Variants in CADM2 observed in about 807,000 individuals in gnomAD.
CADM2 encodes the protein immunoglobulin superfamily member 4D.
CADM2 carries 12 observed loss-of-function variants against 49.8 expected under a neutral mutation model. The ratio of observed to expected loss-of-function variants is 0.24; its 90% confidence interval spans 0.15 to 0.39. CADM2 has a LOEUF of 0.39. CADM2 is among the 10% of genes least tolerant of loss of function. The pLI is 1.00. For missense variants in CADM2, 378 were observed against 492.3 expected (o/e 0.77, Z 2.20); for synonymous variants, 214 against 175.4 (o/e 1.22, Z -1.74).
At chr3:85,396,396 G>C (rs909964027) in intron 1 of CADM2, among the ~76,000 whole-genome samples, 1 of 151,680 alleles carries the variant, frequency 6.6e-6, no homozygotes, top group Non-Finnish European at 1.5e-5. Context: ...TCATAACTTA[G>C]TTTTATTATT....
At chr3:85,621,366 A>G (rs939580639) in intron 1 of CADM2, among the ~76,000 whole-genome samples, 1 of 152,170 alleles carries the variant, frequency 6.6e-6, no homozygotes, top group Non-Finnish European at 1.5e-5. Flanking sequence ...TGAAAGAAAC[A>G]TTTTTAAGAA....
intron 1 of CADM2, among the ~76,000 whole-genome samples, chr3:85,204,844 AT>A (rs1483374077): frequency 6.6e-6 from 1 of 152,118 alleles, no homozygotes; most frequent in African/African-American, 2.4e-5. Flanking sequence ...AAAGAATGAT[AT>A]AGGGACATTT....
intron 7 of CADM2, among the ~76,000 whole-genome samples, chr3:85,947,366 C>T (rs1166107469): frequency 2.6e-5 from 4 of 151,020 alleles, no homozygotes; most frequent in African/African-American, 9.7e-5. Flanking sequence ...GGATACAGAG[C>T]ATTTAGATTG....
intron 1 of CADM2, among the ~76,000 whole-genome samples, chr3:85,041,405 G>A (rs767484398): frequency 2.6e-5 from 4 of 152,176 alleles, no homozygotes; most frequent in Non-Finnish European, 5.9e-5. Flanking sequence ...GGGGGGCAAA[G>A]GACAGAGAGA....
intron 1 of CADM2, among the ~76,000 whole-genome samples, chr3:85,110,489 A>G (rs563481332): frequency 6.6e-6 from 1 of 151,946 alleles, no homozygotes; most frequent in African/African-American, 2.4e-5. Flanking sequence ...GAAGGGGAAA[A>G]CAAAGAAAAG....
intron 1 of CADM2, among the ~76,000 whole-genome samples, chr3:85,240,922 G>A (rs1386443017): frequency 2.6e-5 from 4 of 151,450 alleles, no homozygotes; most frequent in African/African-American, 9.7e-5. Context: ...TACAATGCAT[G>A]ATGATCAAAT....
intron 1 of CADM2, among the ~76,000 whole-genome samples, chr3:85,295,541 C>G (rs1429736470): frequency 6.6e-6 from 1 of 151,894 alleles, no homozygotes; most frequent in East Asian, 1.9e-4. Flanking sequence ...GGAACCAACC[C>G]AAATATCCAA....
intron 8 of CADM2, among the ~76,000 whole-genome samples, chr3:86,049,974 C>A (rs1018027610): frequency 6.6e-6 from 1 of 152,148 alleles, no homozygotes; most frequent in Admixed American, 6.5e-5. Context: ...TTGCAAAATA[C>A]AATCATGCTT....
chr3:85,951,393 T>G (rs1375260050), intron 7 of CADM2, among the ~76,000 whole-genome samples: 2 of 151,082 alleles, frequency 1.3e-5, no homozygotes, highest in Admixed American at 1.3e-4. Context: ...TTCATCTGGG[T>G]AATTTATTCA....
intron 1 of CADM2, among the ~76,000 whole-genome samples, chr3:84,985,709 T>C (rs1195933774): frequency 6.6e-6 from 1 of 152,174 alleles, no homozygotes; most frequent in African/African-American, 2.4e-5. Context: ...AAAGCAAGCT[T>C]TTCTGTAATA....
At chr3:85,918,117 C>T (rs932390283) in intron 6 of CADM2, among the ~76,000 whole-genome samples, 1 of 152,146 alleles carries the variant, frequency 6.6e-6, no homozygotes, top group African/African-American at 2.4e-5. Context: ...AATTTGACTT[C>T]CTCTTTTCCT....
intron 1 of CADM2, among the ~76,000 whole-genome samples, chr3:85,307,401 T>C (rs568705738): frequency 4.6e-5 from 7 of 151,868 alleles, no homozygotes; most frequent in Admixed American, 4.6e-4. Context: ...ACTGAAATTA[T>C]TTGTTTCTTG....
Position 85,008,926 on chromosome 3 carries a change from C to A in CADM2, c.61+49258C>A, listed in dbSNP as rs545423497. The stretch of plus-strand genomic sequence containing the variant: ...TCTTTAGTTTGCATTTTAGAGAAAG[C>A]ATAGCAAGAAAAAGAACAAAAGTGA... On this transcript the variant is annotated intron_variant, in intron 1 of 9. Coordinates refer to ENST00000383699, the MANE Select transcript of CADM2 (RefSeq NM_001167675.2). Among the ~76,000 whole-genome samples, 3 of 152,106 alleles carry A rather than the reference C, an allele frequency of 2.0e-5. No individual in the cohort carries two copies. The South Asian group carries it at 6.2e-4, about 32-fold the overall frequency.
intron 1 of CADM2, among the ~76,000 whole-genome samples, chr3:85,062,428 A>T (rs966231017): frequency 6.6e-6 from 1 of 152,088 alleles, no homozygotes; most frequent in African/African-American, 2.4e-5. Context: ...GATCTTTAAA[A>T]TTATTTTTGC....
intron 7 of CADM2, among the ~76,000 whole-genome samples, chr3:85,937,457 T>C (rs1332761588): frequency 6.6e-6 from 1 of 151,878 alleles, no homozygotes; most frequent in Non-Finnish European, 1.5e-5. Context: ...GCTCAAAACT[T>C]TTCACTAAAT....
At chr3:85,980,627 C>T (rs916393631) in intron 8 of CADM2, among the ~76,000 whole-genome samples, 1 of 151,270 alleles carries the variant, frequency 6.6e-6, no homozygotes, top group Non-Finnish European at 1.5e-5. Flanking sequence ...GGAAAAGAGA[C>T]ATAATGAAAA....
intron 3 of CADM2, among the ~76,000 whole-genome samples, chr3:85,847,521 A>C (rs2074933320): frequency 6.6e-6 from 1 of 152,220 alleles, no homozygotes; most frequent in Non-Finnish European, 1.5e-5. Context: ...ACTTAAAATT[A>C]CTTAAATTAC....
At position 85,761,670 on chromosome 3, in the gene CADM2, T is replaced by A. The variant is rs528180141; in HGVS notation, c.88+35122T>A. Among the ~76,000 whole-genome samples the A allele has an allele frequency of 1.1e-4, 16 of 152,208 alleles. No homozygotes were observed. In the East Asian group the frequency reaches 3.1e-3, roughly 29 times the overall value. On this transcript the variant is annotated intron_variant, in intron 2 of 9. Transcript: ENST00000383699. ...GATTACAGGCGTGAGCCACCACGCC[T>A]GGCCACAAAACTTATTTTAATAGAT...
chr3:85,013,170 G>A (rs2034079991), intron 1 of CADM2, among the ~76,000 whole-genome samples: 1 of 150,678 alleles, frequency 6.6e-6, no homozygotes, highest in African/African-American at 2.4e-5. Flanking sequence ...ACCAAATTAT[G>A]GAGAAGGAAA....
Sources: allele counts gnomAD v4.1 joint callset (sites outside exome capture counted in the v4.1 genomes callset), GRCh38; gene constraint gnomAD v4.1.1; transcripts MANE v1.5; gene names NCBI Gene and HGNC (gene_info 2026-07-23, HGNC 2026-07-21).